The following PAM variants were observed in gnomAD, a reference collection of about 807,000 sequenced individuals.
PAM encodes peptidyl-glycine alpha-amidating monooxygenase.
A neutral mutation model predicts 122.1 loss-of-function variants in PAM; 72 were observed. The ratio of observed to expected loss-of-function variants is 0.59; its 90% CI spans 0.49 to 0.72. PAM has a LOEUF of 0.72. Among genes scored for constraint, PAM ranks in the 30% least tolerant of loss-of-function variants. The pLI is 0.00. For synonymous variants in PAM, 389 were observed against 404.4 expected (o/e 0.96, Z 0.46); for missense variants, 1,106 against 1,183.7 (o/e 0.93, Z 0.96).
intron 21 of PAM, among the ~76,000 whole-genome samples, chr5:103,010,681 C>A (rs1016377700): frequency 6.6e-6 from 1 of 152,126 alleles, no homozygotes; most frequent in Non-Finnish European, 1.5e-5. Context: ...AAGTTTATAT[C>A]TTGACACTTA....
At position 102,893,941 on chromosome 5, in the gene PAM, T is replaced by C. The variant is rs529212951; in HGVS notation, c.211-7415T>C. 3.9e-5 allele frequency among the ~76,000 whole-genome samples: 6 copies of C among 151,922 alleles called. No individual in the cohort carries two copies. The South Asian group carries it at 1.2e-3, about 31-fold the overall frequency. ...TTTGTTGTCTCAAGCTCTTCGGTTT[T>C]TGTCGCTGTTTTTATTGTTTGTTTT... On this transcript the variant is annotated intron_variant, in intron 3 of 25. Transcript: ENST00000438793.
chr5:102,985,341 G>A (rs560520447), intron 15 of PAM, among the ~76,000 whole-genome samples: 1 of 151,906 alleles, frequency 6.6e-6, no homozygotes, highest in South Asian at 2.1e-4. Context: ...GAAAAAGAGG[G>A]AAGATTCAAA....
At chr5:102,914,123 A>G in intron 5 of PAM, 102 bp downstream of exon 5, 1 of 688,606 alleles carries the variant, frequency 1.5e-6, no homozygotes, top group Non-Finnish European at 2.6e-6. Context: ...ATAAATAGGC[A>G]GAACATTTTA....
chr5:102,855,369 GGAAA>G (rs1444915511), intron 1 of PAM, among the ~76,000 whole-genome samples: 2 of 152,224 alleles, frequency 1.3e-5, no homozygotes, highest in East Asian at 3.9e-4. Context: ...TTTTATAATA[GGAAA>G]GAGTGTGTTT....
chr5:102,784,808 TTTA>T (rs1049352959), intron 1 of PAM, among the ~76,000 whole-genome samples: 2 of 152,200 alleles, frequency 1.3e-5, no homozygotes, highest in African/African-American at 2.4e-5. Context: ...ATAGGCAAAC[TTTA>T]TTATTGTTGT....
intron 1 of PAM, among the ~76,000 whole-genome samples, chr5:102,791,846 T>G (rs1762144694): frequency 6.6e-6 from 1 of 152,126 alleles, no homozygotes; most frequent in African/African-American, 2.4e-5. Context: ...TTTCTAGGGT[T>G]TTATCTAGGA....
chr5:102,818,514 A>G (rs549230278), intron 1 of PAM, among the ~76,000 whole-genome samples: 1 of 152,240 alleles, frequency 6.6e-6, no homozygotes, highest in Non-Finnish European at 1.5e-5. Flanking sequence ...GGCATATGAC[A>G]CTGTAGATCA....
intron 1 of PAM, among the ~76,000 whole-genome samples, chr5:102,805,317 C>G (rs1165145173): frequency 6.6e-6 from 1 of 152,108 alleles, no homozygotes; most frequent in Non-Finnish European, 1.5e-5. Context: ...ATCTGCTCGC[C>G]TCAGCCTCCC....
intron 1 of PAM, among the ~76,000 whole-genome samples, chr5:102,850,560 A>G (rs938115883): frequency 3.9e-5 from 6 of 152,154 alleles, no homozygotes; most frequent in African/African-American, 1.4e-4. Flanking sequence ...TGTGAGCATC[A>G]CTGCTCACTG....
rs534505635 is a variant in PAM, at chr5:102,792,185, C to T, written c.-374+36837C>T. 4.6e-5 allele frequency among the ~76,000 whole-genome samples: 7 copies of T among 152,124 alleles called. No individual in the cohort carries two copies. The South Asian group carries it at 1.5e-3, about 32-fold the overall frequency. On this transcript the variant is annotated intron_variant, in intron 1 of 25. Transcript: ENST00000438793. ...TGGAATTTAGGAAATTCACCTTAGA[C>T]ATATGAAGCTTAACATTAATGTGTG...
rs1354471930 is a variant in PAM, at chr5:102,856,673, C to T, written c.-373-9150C>T. Among the ~76,000 whole-genome samples, 6 of 152,054 alleles carry T rather than the reference C, an allele frequency of 3.9e-5. No homozygotes were observed. In the East Asian group the frequency reaches 5.8e-4, roughly 15 times the overall value. On this transcript the variant is annotated intron_variant, in intron 1 of 25. Transcript: ENST00000438793. ...ATGACTAATGGACATATTTAAAGGG[C>T]GTCTGTTACTGATCATGGAAACAAA...
At chr5:102,795,585 G>T (rs1337205838) in intron 1 of PAM, among the ~76,000 whole-genome samples, 2 of 152,132 alleles carry the variant, frequency 1.3e-5, no homozygotes, top group African/African-American at 2.4e-5. Flanking sequence ...CTACCCTTTT[G>T]ACAAATGAAG....
At chr5:102,840,337 T>C (rs1778245674) in intron 1 of PAM, among the ~76,000 whole-genome samples, 1 of 152,140 alleles carries the variant, frequency 6.6e-6, no homozygotes, top group Non-Finnish European at 1.5e-5. Flanking sequence ...AGAATAATCA[T>C]TATGATTATT....
chr5:102,906,333 T>A (rs1799538669), intron 4 of PAM, among the ~76,000 whole-genome samples: 1 of 151,688 alleles, frequency 6.6e-6, no homozygotes, highest in African/African-American at 2.4e-5. Flanking sequence ...AGTAGTCAAC[T>A]CTTAAAAGAT....
chr5:102,812,414 G>A (rs1211161498), intron 1 of PAM, among the ~76,000 whole-genome samples: 1 of 151,944 alleles, frequency 6.6e-6, no homozygotes, highest in African/African-American at 2.4e-5. Flanking sequence ...AGAGACTACT[G>A]TAGTATGTTA....
chr5:102,763,280 G>A (rs891408694), intron 1 of PAM, among the ~76,000 whole-genome samples: 1 of 152,068 alleles, frequency 6.6e-6, no homozygotes, highest in African/African-American at 2.4e-5. Flanking sequence ...CTTTACCTCA[G>A]TATTAGTGGA....
At chr5:103,006,349 AGT>A (rs1201528786) in intron 18 of PAM, among the ~76,000 whole-genome samples, 9 of 147,238 alleles carry the variant, frequency 6.1e-5, no homozygotes, top group Admixed American at 5.4e-4. Flanking sequence ...ATATATAAAA[AGT>A]GAAATTTGTG....
At chr5:103,023,614 T>C (rs774990277) in intron 23 of PAM, among the ~76,000 whole-genome samples, 3 of 152,066 alleles carry the variant, frequency 2.0e-5, no homozygotes, top group African/African-American at 4.8e-5. Flanking sequence ...TCTAGGTCTA[T>C]GAACCACTCC....
intron 6 of PAM, among the ~76,000 whole-genome samples, chr5:102,925,287 G>A (rs573918309): frequency 4.6e-5 from 7 of 152,262 alleles, no homozygotes; most frequent in African/African-American, 1.7e-4. Context: ...AAATAACCAA[G>A]GATACCTCAA....
Sources: allele counts gnomAD v4.1 joint callset (sites outside exome capture counted in the v4.1 genomes callset), GRCh38; gene constraint gnomAD v4.1.1; transcripts MANE v1.5; gene names NCBI Gene and HGNC (gene_info 2026-07-23, HGNC 2026-07-21).